Variants in DMXL1 observed in about 807,000 individuals in gnomAD.
DMXL1 encodes Dmx like 1, also known as dmX-like protein 1.
A neutral mutation model predicts 319.2 loss-of-function variants in DMXL1; 99 were observed. That is an observed-to-expected ratio of 0.31 (90% CI 0.26 to 0.37). The LOEUF is 0.37. Ranked by LOEUF, DMXL1 falls within the 10% of genes least tolerant of loss-of-function variation. DMXL1 has a pLI of 1.00. For missense variants in DMXL1, 3,745 were observed against 3,595.6 expected, an observed-to-expected ratio of 1.04 and a Z score of -1.06; for synonymous variants, 1,385 against 1,235.2, an observed-to-expected ratio of 1.12 and a Z score of -2.54.
At position 119,118,808 on chromosome 5, in the gene DMXL1, T is replaced by C; in HGVS notation, c.744-7T>C. The C allele has an allele frequency of 6.4e-7, 1 of 1,573,396 alleles. No homozygotes were observed. The highest frequency in any genetic ancestry group is 2.0e-5 in the Admixed American group (1 of 50,196). On this transcript the variant is annotated splice_polypyrimidine_tract_variant and splice_region_variant and intron_variant, in intron 7 of 43. Coordinates refer to ENST00000539542, the MANE Select transcript of DMXL1 (RefSeq NM_001290321.3). ...ATTTTTGCTTCTAAAATCTTTTCAT[T>C]CCTTAGGGCTTCTGTATGTAATGTA...
chr5:119,122,160 G>T (rs1425648365), intron 9 of DMXL1, among the ~76,000 whole-genome samples: 1 of 137,162 alleles, frequency 7.3e-6, no homozygotes, highest in Non-Finnish European at 1.6e-5. Flanking sequence ...CTCCCTCCCA[G>T]ACGGGGCGGC....
chr5:119,186,868 T>C, intron 28 of DMXL1, among the ~76,000 whole-genome samples: 1 of 145,746 alleles, frequency 6.9e-6, no homozygotes. Context: ...TATCTTGACA[T>C]GGAAGCTTTG....
At chr5:119,123,400 G>A (rs1580843352) in intron 9 of DMXL1, among the ~76,000 whole-genome samples, 7 of 63,490 alleles carry the variant, frequency 1.1e-4, no homozygotes, top group Admixed American at 5.1e-4. Flanking sequence ...GAGAGGAGGG[G>A]GAGGGAGAGG....
At chr5:119,087,093 CCA>C (rs1381830798) in intron 1 of DMXL1, among the ~76,000 whole-genome samples, 1 of 151,570 alleles carries the variant, frequency 6.6e-6, no homozygotes, top group Non-Finnish European at 1.5e-5. Flanking sequence ...CTTAGTCAAG[CCA>C]CAGTTTTGTT....
chr5:119,171,565 A>AT lies in DMXL1; in HGVS notation c.6490-203dup, dbSNP rs33917036. ...TCTTATTGCAAGAGGATATTGTCTT[A>AT]TTTTTTTTTTCCCTCTCTGTGCCCC... On this transcript the variant is annotated intron_variant, in intron 24 of 43. Transcript: ENST00000539542. 4.8e-3 allele frequency among the ~76,000 whole-genome samples: 724 copies of AT among 149,292 alleles called. 8 individuals carry two copies. Among genetic ancestry groups the AT allele is most frequent in the African/African-American group, 0.017 (678 of 40,658 alleles).
At chr5:119,089,713 C>A (rs888250079) in intron 1 of DMXL1, among the ~76,000 whole-genome samples, 1 of 151,358 alleles carries the variant, frequency 6.6e-6, no homozygotes, top group African/African-American at 2.4e-5. Flanking sequence ...GCAACCTCCA[C>A]CTCCTGGGTT....
intron 32 of DMXL1, among the ~76,000 whole-genome samples, chr5:119,201,420 C>G (rs1780688576): frequency 6.6e-6 from 1 of 152,168 alleles, no homozygotes; most frequent in South Asian, 2.1e-4. Flanking sequence ...ATGAAGCCTA[C>G]TTGATCATGG....
At chr5:119,227,130 C>T (rs1785730426) in intron 38 of DMXL1, among the ~76,000 whole-genome samples, 1 of 152,190 alleles carries the variant, frequency 6.6e-6, no homozygotes, top group Non-Finnish European at 1.5e-5. Context: ...AATTCAGGTG[C>T]TCTTCCATGG....
At chr5:119,207,833 G>A (rs934600668) in intron 34 of DMXL1, among the ~76,000 whole-genome samples, 22 of 152,002 alleles carry the variant, frequency 1.4e-4, no homozygotes, top group African/African-American at 5.1e-4. Flanking sequence ...ATTCAACTAC[G>A]ACTTTATGAG....
chr5:119,149,105 T>A lies in DMXL1; in HGVS notation c.3278T>A (p.Leu1093His), dbSNP rs1470556616. ...CESTGGSCWV[L>H]EQTIHLDELS... is the part of the protein sequence containing the mutation. The stretch of plus-strand genomic sequence containing the variant: ...TCAACAGGAGGTTCATGTTGGGTCC[T>A]TGAGCAGACAATTCATTTAGATGAG... Residue 1093 changes from leucine (L) to histidine (H), a missense_variant, in exon 18 of 44, where the codon CTT (leucine) becomes CAT (histidine). Around this residue, in one of 4 missense-constraint regions of DMXL1, gnomAD observed 2,096 missense variants for 1,985.4 expected, o/e 1.06. Coordinates refer to ENST00000539542, the MANE Select transcript of DMXL1 (RefSeq NM_001290321.3). 1.1e-5 allele frequency: 18 copies of A among 1,613,872 alleles called. No homozygotes were observed. Among genetic ancestry groups the A allele is most frequent in the Non-Finnish European group, 1.5e-5 (18 of 1,179,900 alleles).
chr5:119,137,294 G>A (rs1226016688), intron 13 of DMXL1, among the ~76,000 whole-genome samples: 1 of 152,236 alleles, frequency 6.6e-6, no homozygotes, highest in Non-Finnish European at 1.5e-5. Context: ...CCCAATGCCT[G>A]TGCTCGCATT....
At chr5:119,113,330 C>T (rs1760089305) in intron 5 of DMXL1, among the ~76,000 whole-genome samples, 1 of 152,074 alleles carries the variant, frequency 6.6e-6, no homozygotes. Flanking sequence ...CAACCTCTAC[C>T]TCCTGGGTTC....
At chr5:119,176,471 C>A (rs1775815770) in intron 26 of DMXL1, among the ~76,000 whole-genome samples, 1 of 151,852 alleles carries the variant, frequency 6.6e-6, no homozygotes, top group South Asian at 2.1e-4. Context: ...ATTATTTAGG[C>A]TTTATTTTCA....
chr5:119,123,453 A>AGGGAGAGGAGGGAGG, intron 9 of DMXL1, among the ~76,000 whole-genome samples: 1 of 120,322 alleles, frequency 8.3e-6, no homozygotes, highest in Non-Finnish European at 1.7e-5. Context: ...GAGGAGGGAG[A>AGGGAGAGGAGGGAGG]GGAGGAGAGG....
intron 35 of DMXL1, among the ~76,000 whole-genome samples, chr5:119,219,569 A>G (rs560633917): frequency 1.3e-4 from 19 of 147,314 alleles, no homozygotes; most frequent in Admixed American, 9.7e-4. Context: ...TAATTAATTA[A>G]TTTATTTATT....
intron 34 of DMXL1, among the ~76,000 whole-genome samples, chr5:119,212,139 A>G (rs1782909946): frequency 6.6e-6 from 1 of 152,144 alleles, no homozygotes. Flanking sequence ...TGCAACCAAC[A>G]CACCATCCAT....
intron 26 of DMXL1, among the ~76,000 whole-genome samples, chr5:119,176,202 A>G (rs1343657499): frequency 1.3e-5 from 2 of 152,006 alleles, no homozygotes; most frequent in South Asian, 2.1e-4. Context: ...TTCTGTTTCT[A>G]TAACATTTCT....
chr5:119,150,390 T>A lies in DMXL1; in HGVS notation c.4563T>A (p.Thr1521=), dbSNP rs1252875117. The A allele has an allele frequency of 6.2e-7, 1 of 1,613,052 alleles. No homozygotes were observed. Among genetic ancestry groups the A allele is most frequent in the Non-Finnish European group, 8.5e-7 (1 of 1,179,588 alleles). Reference sequence around the variant, plus strand: ...CAGATACAATTGCAACTACAAGCACTGATATTGGAGAAAGCCGAGACAGAA... The same window carrying A: ...CAGATACAATTGCAACTACAAGCACAGATATTGGAGAAAGCCGAGACAGAA... ...ALADTIATTS[T]DIGESRDRSQ... The change falls in exon 18 of 44, where the codon ACT becomes ACA. Residue 1521 remains threonine, a synonymous_variant. Transcript: ENST00000539542.
intron 13 of DMXL1, among the ~76,000 whole-genome samples, chr5:119,138,370 T>C (rs933298706): frequency 6.6e-6 from 1 of 152,002 alleles, no homozygotes; most frequent in East Asian, 1.9e-4. Context: ...AATTCAAGAG[T>C]CTGGCTTTGG....
Sources: allele counts gnomAD v4.1 joint callset (sites outside exome capture counted in the v4.1 genomes callset), GRCh38; gene constraint gnomAD v4.1.1; regional missense constraint gnomAD v4.1.1; transcripts MANE v1.5; gene names NCBI Gene and HGNC (gene_info 2026-07-23, HGNC 2026-07-21).